The following CDKN2B-AS1 variants were observed in gnomAD, a reference collection of about 807,000 sequenced individuals.
CDKN2B-AS1 encodes CDKN2B antisense RNA 1 (non-protein coding).
At chr9:22,091,108 A>G (rs993640834) in intron 4 of CDKN2B-AS1, among the ~76,000 whole-genome samples, 10 of 151,942 alleles carry the variant, frequency 6.6e-5, no homozygotes, top group Non-Finnish European at 1.5e-4. Flanking sequence ...GCTTGTTTTT[A>G]TCAGGTTTGT....
intron 3 of CDKN2B-AS1, among the ~76,000 whole-genome samples, chr9:22,051,332 CA>C (rs1254970320): frequency 6.6e-6 from 1 of 152,156 alleles, no homozygotes; most frequent in Non-Finnish European, 1.5e-5. Flanking sequence ...CTCTGCTCTT[CA>C]CAGTAATTAA....
intron 2 of CDKN2B-AS1, among the ~76,000 whole-genome samples, chr9:22,047,649 A>G (rs1241434724): frequency 6.6e-6 from 1 of 152,236 alleles, no homozygotes; most frequent in East Asian, 1.9e-4. Flanking sequence ...GATGTTACAC[A>G]TATACATAAC....
At chr9:22,114,575 G>A (rs1413156494) in intron 4 of CDKN2B-AS1, among the ~76,000 whole-genome samples, 2 of 152,186 alleles carry the variant, frequency 1.3e-5, no homozygotes, top group Non-Finnish European at 2.9e-5. Flanking sequence ...AAGCTGATTA[G>A]GAGTATTTAA....
chr9:22,108,340 A>C (rs1307938857), intron 4 of CDKN2B-AS1, among the ~76,000 whole-genome samples: 1 of 152,178 alleles, frequency 6.6e-6, no homozygotes, highest in Non-Finnish European at 1.5e-5. Context: ...AGAAGGGAGT[A>C]TTACTCTAAC....
chr9:22,017,200 G>A (rs933248570), intron 1 of CDKN2B-AS1, among the ~76,000 whole-genome samples: 2 of 152,206 alleles, frequency 1.3e-5, no homozygotes, highest in African/African-American at 2.4e-5. Flanking sequence ...GCCGAGGCGC[G>A]CAGATCACAA....
chr9:22,074,657 C>T (rs565733573), intron 4 of CDKN2B-AS1, among the ~76,000 whole-genome samples: 81 of 152,256 alleles, frequency 5.3e-4, no homozygotes, highest in African/African-American at 1.8e-3. Context: ...GGCTGGGGAG[C>T]GACTTTCTTG....
chr9:22,094,159 G>T lies in CDKN2B-AS1; in HGVS notation n.439-32944G>T, dbSNP rs549648178. Among the ~76,000 whole-genome samples the T allele has an allele frequency of 2.1e-5, 3 of 144,154 alleles. No individual in the cohort carries two copies. The East Asian group carries it at 5.9e-4, about 28-fold the overall frequency. 94.6% of individuals were successfully genotyped at this position (144,154 alleles called of 152,430 possible). Reference sequence around the variant, plus strand: ...TGAATATTGGCCCCCACTCTCTTCTGGCTTGTAGAGTTTCTACCGAGAGAT... The same window carrying T: ...TGAATATTGGCCCCCACTCTCTTCTTGCTTGTAGAGTTTCTACCGAGAGAT... On this transcript the variant is annotated intron_variant and non_coding_transcript_variant, in intron 4 of 4. Transcript: ENST00000650946.
chr9:22,066,764 C>T (rs1047851076), intron 4 of CDKN2B-AS1, among the ~76,000 whole-genome samples: 25 of 151,842 alleles, frequency 1.6e-4, no homozygotes, highest in Admixed American at 9.8e-4. Context: ...GGAAAAGCAG[C>T]GTTACTAAGG....
chr9:22,085,974 G>A (rs1011699080), intron 4 of CDKN2B-AS1, among the ~76,000 whole-genome samples: 8 of 151,694 alleles, frequency 5.3e-5, no homozygotes, highest in African/African-American at 1.5e-4. Context: ...ACAAACCCTC[G>A]AGAGGCAGGA....
At chr9:22,108,746 T>C (rs931794669) in intron 4 of CDKN2B-AS1, among the ~76,000 whole-genome samples, 7 of 152,178 alleles carry the variant, frequency 4.6e-5, no homozygotes, top group South Asian at 2.1e-4. Flanking sequence ...ACTCACTAAA[T>C]TGGTAAATAG....
rs377723228 is a variant in CDKN2B-AS1 at position 22,006,078 on chromosome 9, C to T, written n.29+10917C>T. The T allele has an allele frequency of 1.9e-5, 31 of 1,607,000 alleles. No individual in the cohort carries two copies. In the East Asian group the frequency reaches 2.5e-4, roughly 13 times the overall value. ...CACGGGCAGACGACCCCAGGCATCG[C>T]GCACGTCCAGCCGCGCCCCGGCCCG... is the stretch of plus-strand genomic sequence containing the variant. On this transcript the variant is annotated intron_variant and non_coding_transcript_variant, in intron 1 of 4. Transcript: ENST00000650946. This position sits in a 1 kb window ranked among gnomAD's most constrained non-coding sequence, Gnocchi z 6.4.
At chr9:22,045,349 TAGAG>T (rs1373091306) in intron 1 of CDKN2B-AS1, among the ~76,000 whole-genome samples, 2 of 152,070 alleles carry the variant, frequency 1.3e-5, no homozygotes, top group African/African-American at 4.8e-5. Context: ...AACTGAGACT[TAGAG>T]AGGTTTATTT....
intron 4 of CDKN2B-AS1, among the ~76,000 whole-genome samples, chr9:22,094,146 C>G (rs1286247118): frequency 6.9e-6 from 1 of 144,054 alleles, no homozygotes; most frequent in East Asian, 2.0e-4. Context: ...AATATTGGCC[C>G]CCACTCTCTT....
rs1397151465 is a variant in CDKN2B-AS1, at chr9:22,059,534, C to T, written n.438+3147C>T. On this transcript the variant is annotated intron_variant and non_coding_transcript_variant, in intron 4 of 4. Coordinates refer to ENST00000650946, the Ensembl canonical transcript of CDKN2B-AS1. ...GTACAGCCTCCCTCCAATCTGCTTT[C>T]ACCGGCTGGTGTTGAGTGTCTGTGG... 2.0e-5 allele frequency among the ~76,000 whole-genome samples: 3 copies of T among 152,208 alleles called. No individual in the cohort carries two copies. In the East Asian group the frequency reaches 5.8e-4, roughly 29 times the overall value.
intron 1 of CDKN2B-AS1, among the ~76,000 whole-genome samples, chr9:22,029,090 GTCTT>G (rs1822361539): frequency 6.6e-6 from 1 of 151,722 alleles, no homozygotes; most frequent in Admixed American, 6.6e-5. Context: ...GGTGGTGAAA[GTCTT>G]CTTTCTAGAA....
At chr9:22,111,520 A>C (rs1587545395) in intron 4 of CDKN2B-AS1, among the ~76,000 whole-genome samples, 1 of 152,146 alleles carries the variant, frequency 6.6e-6, no homozygotes, top group African/African-American at 2.4e-5. Context: ...TGGCACTACT[A>C]TCTCTTTCTT....
chr9:22,027,314 C>T (rs1822281196), intron 1 of CDKN2B-AS1, among the ~76,000 whole-genome samples: 1 of 151,896 alleles, frequency 6.6e-6, no homozygotes, highest in African/African-American at 2.4e-5. Flanking sequence ...CCAGCTCTTC[C>T]TGGATTGCTT....
intron 1 of CDKN2B-AS1, among the ~76,000 whole-genome samples, chr9:22,002,050 A>T (rs1820943678): frequency 6.6e-6 from 1 of 152,110 alleles, no homozygotes; most frequent in South Asian, 2.1e-4. Flanking sequence ...GTGATTGTGT[A>T]TCTAGGTATC....
At chr9:22,023,796 T>G (rs10965212) in intron 1 of CDKN2B-AS1, among the ~76,000 whole-genome samples, 1 of 151,996 alleles carries the variant, frequency 6.6e-6, no homozygotes, top group African/African-American at 2.4e-5. Context: ...GTCAGTTACA[T>G]TCTTCTGTAT....
Sources: gnomAD v4.1 joint callset for allele counts (sites outside exome capture counted in the v4.1 genomes callset) on GRCh38, gnomAD v4.1.1 for gene constraint, Gnocchi (gnomAD v3.1) non-coding constraint, MANE v1.5 for transcripts, NCBI Gene and HGNC (gene_info 2026-07-23, HGNC 2026-07-21) for gene names.